The following GGN variants were observed in gnomAD, a reference collection of about 807,000 sequenced individuals.
The protein encoded by GGN is gametogenetin.
A neutral mutation model predicts 35.5 loss-of-function variants in GGN; 27 were observed. The observed-to-expected ratio is 0.76, with a 90% CI of 0.56 to 1.05. The LOEUF is 1.05. GGN is among the 50% of genes least tolerant of loss of function. GGN has a pLI of 0.00. For missense variants in GGN, 1,006 were observed against 940.7 expected (o/e 1.07, Z -0.91); for synonymous variants, 425 against 444.1 (o/e 0.96, Z 0.54).
At chr19:38,385,252 A>C (rs953442415) in intron 3 of GGN, among the ~76,000 whole-genome samples, 169 bp downstream of exon 3, 3 of 152,218 alleles carry the variant, frequency 2.0e-5, no homozygotes, top group African/African-American at 7.2e-5. Flanking sequence ...AAAGGTCAGC[A>C]TGGGATCATG....
At position 38,387,194 on chromosome 19, in the gene GGN, G is replaced by A; in HGVS notation, c.68C>T (p.Ala23Val). Residue 23 changes from alanine (A) to valine (V), a missense_variant, in exon 3 of 4, where the codon GCC (alanine) becomes GTC (valine). Coordinates refer to ENST00000334928, the MANE Select transcript of GGN (RefSeq NM_152657.4). This position sits in a 1 kb window ranked among gnomAD's most constrained non-coding sequence, Gnocchi z 5.3. ...GSRKVQPSDR[A>V]PDSRRTSLVE... ...CAGGGACGTCCGGCGGGAGTCGGGG[G>A]CGCGGTCCGAGGGCTGCACTTTTCG... 4 of 1,593,100 alleles carry A rather than the reference G, an allele frequency of 2.5e-6. No homozygotes were observed. Among genetic ancestry groups the A allele is most frequent in the Non-Finnish European group, 3.4e-6 (4 of 1,170,282 alleles).
In GGN at chr19:38,386,912, G is replaced by A. The variant is rs1970740008; in HGVS notation, c.350C>T (p.Thr117Ile). ...CAGGCGGCGGATCCGGGGAACTGGA[G>A]TGCCCGCGGGCTTTTGCCATTTAGA... ...GPSKWQKPAGTPVPRIRRLLE... is the reference protein window; with the variant it reads ...GPSKWQKPAGIPVPRIRRLLE... The change falls in exon 3 of 4, where the codon ACT becomes ATT. Residue 117 changes from threonine (T) to isoleucine (I), a missense_variant. By Grantham distance (89) the Thr-to-Ile change is moderately conservative. Transcript: ENST00000334928. 6.4e-7 allele frequency: 1 copy of A among 1,554,854 alleles called. No homozygotes were observed. The highest frequency in any genetic ancestry group is 8.7e-7 in the Non-Finnish European group (1 of 1,150,456).
At position 38,387,203 on chromosome 19, in the gene GGN, G is replaced by A; in HGVS notation, c.59C>T (p.Ser20Leu). The A allele has an allele frequency of 3.8e-6, 6 of 1,595,166 alleles. No homozygotes were observed. Among genetic ancestry groups the A allele is most frequent in the Non-Finnish European group, 5.1e-6 (6 of 1,171,616 alleles). The change falls in exon 3 of 4, where the codon TCG (serine) becomes TTG (leucine). Residue 20 changes from serine to leucine, a missense_variant. Transcript: ENST00000334928. The surrounding 1 kb of genome is among the most constrained non-coding windows in gnomAD (Gnocchi z 5.3). ...AGGGSRKVQP[S>L]DRAPDSRRTS... ...CCGGCGGGAGTCGGGGGCGCGGTCC[G>A]AGGGCTGCACTTTTCGGGAGCCCCC...
chr19:38,386,524 G>A lies in GGN; in HGVS notation c.738C>T (p.Thr246=). 1.2e-6 allele frequency: 2 copies of A among 1,613,178 alleles called. No homozygotes were observed. The highest frequency in any genetic ancestry group is 1.7e-6 in the Non-Finnish European group (2 of 1,179,982). Residue 246 remains threonine (T), a synonymous_variant, in exon 3 of 4, where the codon ACC becomes ACT. Coordinates refer to ENST00000334928, the MANE Select transcript of GGN (RefSeq NM_152657.4). Reference sequence around the variant, plus strand: ...GGGCCAAAGAGGGCCTCGACTTGAAGGTGATTTTACACAGCAGGCTCAGAC... The same window carrying A: ...GGGCCAAAGAGGGCCTCGACTTGAAAGTGATTTTACACAGCAGGCTCAGAC... ...ESGLSLLCKI[T]FKSRPSLAPP... is the part of the protein sequence containing the mutation.
chr19:38,386,354 C>T lies in GGN; in HGVS notation c.908G>A (p.Gly303Glu), dbSNP rs752420916. The change falls in exon 3 of 4, where the codon GGA becomes GAA. Residue 303 changes from glycine (G) to glutamate (E), a missense_variant. Gly to Glu is a moderately conservative substitution (Grantham distance 98). Transcript: ENST00000334928. ...PLPPGAARPL[G>E]EVSRGAQEAE... ...TTCCTGTGCCCCTCGAGAAACCTCTCCCAAGGGGCGAGCGGCTCCAGGAGG... is the reference window on the plus strand; with the variant it reads ...TTCCTGTGCCCCTCGAGAAACCTCTTCCAAGGGGCGAGCGGCTCCAGGAGG... 5 of 1,612,790 alleles carry T rather than the reference C, an allele frequency of 3.1e-6. No homozygotes were observed. Among genetic ancestry groups the T allele is most frequent in the East Asian group, 2.2e-5 (1 of 44,870 alleles).
Position 38,386,917 on chromosome 19 carries a change from CGCGG to C in GGN, c.341_344del (p.Pro114ArgfsTer28). 1.3e-6 allele frequency: 2 copies of C among 1,552,122 alleles called. No homozygotes were observed. On this transcript the variant is annotated frameshift_variant, in exon 3 of 4. Transcript: ENST00000334928. LOFTEE classifies it high-confidence loss of function. Reference sequence around the variant, plus strand: ...GGCGGATCCGGGGAACTGGAGTGCCCGCGGGCTTTTGCCATTTAGACGGGCCGGG... The same window carrying C: ...GGCGGATCCGGGGAACTGGAGTGCCCGCTTTTGCCATTTAGACGGGCCGGG...
In GGN at chr19:38,386,116, T is replaced by G. The variant is rs751818920; in HGVS notation, c.1146A>C (p.Ala382=). 1.3e-6 allele frequency: 2 copies of G among 1,582,454 alleles called. No individual in the cohort carries two copies. Among genetic ancestry groups the G allele is most frequent in the African/African-American group, 1.3e-5 (1 of 74,308 alleles). The change falls in exon 3 of 4, where the codon GCA becomes GCC. Residue 382 remains alanine, a synonymous_variant. Transcript: ENST00000334928. The part of the protein sequence containing the change: ...GIGAPRRRAA[A]LSGPWGSPPP... ...GAGGGGAGCCCCAAGGCCCAGAGAG[T>G]GCGGCCGCACGCCGTCGCGGCGCCC... is the stretch of plus-strand genomic sequence containing the variant.
Position 38,386,386 on chromosome 19 carries a change from C to G in GGN, c.876G>C (p.Gly292=), listed in dbSNP as rs1171629971. 1 of 1,612,928 alleles carries G rather than the reference C, an allele frequency of 6.2e-7. No individual in the cohort carries two copies. ...GGCGAGCGGCTCCAGGAGGCAGGGG[C>G]CCTTGCTTCAGGACCTCGGCGTAAG... The part of the protein sequence containing the change: ...AISYAEVLKQ[G]PLPPGAARPL... Residue 292 remains glycine (G), a synonymous_variant, in exon 3 of 4, where the codon GGG becomes GGC. Coordinates refer to ENST00000334928, the MANE Select transcript of GGN (RefSeq NM_152657.4).
chr19:38,385,016 C>T, intron 3 of GGN, among the ~76,000 whole-genome samples: 1 of 152,208 alleles, frequency 6.6e-6, no homozygotes. Context: ...CATCTACCCC[C>T]ATTTAGTTCC....
rs751568796 is a variant in GGN, at chr19:38,387,202, C to CGAGGGCTGCACTTTTCGG, written c.42_59dup (p.Arg15_Ser20dup). On this transcript the variant is annotated inframe_insertion, in exon 3 of 4. Transcript: ENST00000334928. The surrounding 1 kb of genome is among the most constrained non-coding windows in gnomAD (Gnocchi z 5.3). The stretch of plus-strand genomic sequence containing the variant: ...TCCGGCGGGAGTCGGGGGCGCGGTC[C>CGAGGGCTGCACTTTTCGG]GAGGGCTGCACTTTTCGGGAGCCCC... The CGAGGGCTGCACTTTTCGG allele has an allele frequency of 7.5e-6, 12 of 1,594,680 alleles. No individual in the cohort carries two copies. The highest frequency in any genetic ancestry group is 1.0e-5 in the Non-Finnish European group (12 of 1,171,414).
In GGN at chr19:38,384,399, G is replaced by C; in HGVS notation, c.*13C>G. Reference sequence around the variant, plus strand: ...CATGGAGGGGAAGGTGGAGGGTGTTGAGCCGACTACACTCAGTTGGAATGG... The same window carrying C: ...CATGGAGGGGAAGGTGGAGGGTGTTCAGCCGACTACACTCAGTTGGAATGG... On this transcript the variant is annotated 3_prime_UTR_variant, in exon 4 of 4. Coordinates refer to ENST00000334928, the MANE Select transcript of GGN (RefSeq NM_152657.4). 1 of 1,588,250 alleles carries C rather than the reference G, an allele frequency of 6.3e-7. No individual in the cohort carries two copies. The highest frequency in any genetic ancestry group is 8.6e-7 in the Non-Finnish European group (1 of 1,156,830).
chr19:38,386,590 C>T lies in GGN; in HGVS notation c.672G>A (p.Ala224=), dbSNP rs757898028. ...GRARGGAPPH[A]GEGEMAQPAD... is the part of the protein sequence containing the mutation. ...CAGGCTGGGCCATTTCGCCTTCGCC[C>T]GCATGGGGAGGCGCCCCTCCGCGAG... The change falls in exon 3 of 4, where the codon GCG becomes GCA. Residue 224 remains alanine, a synonymous_variant. Coordinates refer to ENST00000334928, the MANE Select transcript of GGN (RefSeq NM_152657.4). 142 of 1,613,288 alleles carry T rather than the reference C, an allele frequency of 8.8e-5. No homozygotes were observed. Among genetic ancestry groups the T allele is most frequent in the Non-Finnish European group, 1.1e-4 (134 of 1,179,812 alleles).
At chr19:38,385,339 G>T in intron 3 of GGN, 82 bp downstream of exon 3, 1 of 1,576,988 alleles carries the variant, frequency 6.3e-7, no homozygotes, top group Non-Finnish European at 8.6e-7. Flanking sequence ...GGTCATTCTA[G>T]GGTCAGGAAG....
Position 38,386,667 on chromosome 19 carries a change from G to GGGGTGAGGC in GGN, c.586_594dup (p.Ala196_Pro198dup). On this transcript the variant is annotated inframe_insertion, in exon 3 of 4. Coordinates refer to ENST00000334928, the MANE Select transcript of GGN (RefSeq NM_152657.4). Reference sequence around the variant, plus strand: ...CGGGGCCCAGCCTGGCTTTCTGTCGGGGGTGAGGCGGGTGTGGCCAGAGCA... The same window carrying GGGGTGAGGC: ...CGGGGCCCAGCCTGGCTTTCTGTCGGGGGTGAGGCGGGTGAGGCGGGTGTGGCCAGAGCA... The GGGGTGAGGC allele has an allele frequency of 1.2e-6, 2 of 1,611,122 alleles. No individual in the cohort carries two copies. Among genetic ancestry groups the GGGGTGAGGC allele is most frequent in the Non-Finnish European group, 8.5e-7 (1 of 1,178,466 alleles).
chr19:38,386,094 G>A lies in GGN; in HGVS notation c.1168C>T (p.Pro390Ser), dbSNP rs770223249. Residue 390 changes from proline to serine, a missense_variant, in exon 3 of 4, where the codon CCT (proline) becomes TCT (serine). Transcript: ENST00000334928. The part of the protein sequence containing the change: ...AAALSGPWGS[P>S]PPPPEQIHSA... ...TGTATCTGCTCTGGTGGTGGCGGAG[G>A]GGAGCCCCAAGGCCCAGAGAGTGCG... The A allele has an allele frequency of 8.8e-6, 14 of 1,583,704 alleles. No homozygotes were observed. Among genetic ancestry groups the A allele is most frequent in the Middle Eastern group, 1.7e-4 (1 of 5,984 alleles).
Position 38,386,783 on chromosome 19 carries a change from G to T in GGN, c.479C>A (p.Ala160Asp), listed in dbSNP as rs754172549. 35 of 1,610,952 alleles carry T rather than the reference G, an allele frequency of 2.2e-5. No individual in the cohort carries two copies. Among genetic ancestry groups the T allele is most frequent in the Non-Finnish European group, 2.9e-5 (34 of 1,178,094 alleles). Residue 160 changes from alanine (A) to aspartate (D), a missense_variant, in exon 3 of 4, where the codon GCC becomes GAC. Physicochemically the swap from Ala to Asp is moderately radical, Grantham distance 126. Coordinates refer to ENST00000334928, the MANE Select transcript of GGN (RefSeq NM_152657.4). ...QLSVKDTVPR[A>D]PSQFPPPLET... is the part of the protein sequence containing the mutation. The stretch of plus-strand genomic sequence containing the variant: ...CAGGGGCGGCGGAAATTGGGATGGG[G>T]CCCTCGGGACAGTGTCCTTCACGGA...
chr19:38,387,200 T>A lies in GGN; in HGVS notation c.62A>T (p.Asp21Val). 1 of 1,593,652 alleles carries A rather than the reference T, an allele frequency of 6.3e-7. No homozygotes were observed. The highest frequency in any genetic ancestry group is 8.5e-7 in the Non-Finnish European group (1 of 1,170,882). The change falls in exon 3 of 4, where the codon GAC becomes GTC. Residue 21 changes from aspartate to valine, a missense_variant. Transcript: ENST00000334928. The surrounding 1 kb of genome is among the most constrained non-coding windows in gnomAD (Gnocchi z 5.3). ...GGGSRKVQPSDRAPDSRRTSL... is the reference protein window; with the variant it reads ...GGGSRKVQPSVRAPDSRRTSL... The stretch of plus-strand genomic sequence containing the variant: ...CGTCCGGCGGGAGTCGGGGGCGCGG[T>A]CCGAGGGCTGCACTTTTCGGGAGCC...
At position 38,387,226 on chromosome 19, in the gene GGN, C is replaced by A. The variant is rs752569716; in HGVS notation, c.36G>T (p.Gly12=). Residue 12 remains glycine, a synonymous_variant, in exon 3 of 4, where the codon GGG becomes GGT. Transcript: ENST00000334928. The surrounding 1 kb of genome is among the most constrained non-coding windows in gnomAD (Gnocchi z 5.3). ...GNLQSEPSAG[G]GSRKVQPSDR... The stretch of plus-strand genomic sequence containing the variant: ...CCGAGGGCTGCACTTTTCGGGAGCC[C>A]CCGCCCGCGGATGGCTCCGACTGCA... 3.8e-6 allele frequency: 6 copies of A among 1,595,218 alleles called. No homozygotes were observed. The Admixed American group carries it at 1.0e-4, about 28-fold the overall frequency.
Position 38,385,956 on chromosome 19 carries a change from C to G in GGN, c.1306G>C (p.Glu436Gln), listed in dbSNP as rs757202459. 1 of 1,600,112 alleles carries G rather than the reference C, an allele frequency of 6.2e-7. No individual in the cohort carries two copies. Among genetic ancestry groups the G allele is most frequent in the East Asian group, 2.3e-5 (1 of 44,206 alleles). Reference protein sequence around the residue: ...PMRPGPPGLQELPPLPPPTPP... With the variant: ...PMRPGPPGLQQLPPLPPPTPP... ...GTGGGCGGTGGCAGCGGTGGTAACT[C>G]CTGCAGGCCTGGAGGCCCCGGGCGC... is the stretch of plus-strand genomic sequence containing the variant. Residue 436 changes from glutamate to glutamine, a missense_variant, in exon 3 of 4, where the codon GAG becomes CAG. By Grantham distance (29) the Glu-to-Gln change is conservative. Coordinates refer to ENST00000334928, the MANE Select transcript of GGN (RefSeq NM_152657.4).
Sources: gnomAD v4.1 joint callset for allele counts (sites outside exome capture counted in the v4.1 genomes callset) on GRCh38, gnomAD v4.1.1 for gene constraint, Gnocchi (gnomAD v3.1) non-coding constraint, MANE v1.5 for transcripts, NCBI Gene and HGNC (gene_info 2026-07-23, HGNC 2026-07-21) for gene names.